Variants in CAP2 observed in about 807,000 individuals in gnomAD.
CAP2 encodes the protein adenylyl cyclase-associated protein 2.
CAP2 carries 24 observed loss-of-function variants against 57.7 expected under a neutral mutation model. The observed-to-expected ratio is 0.42, with a 90% confidence interval of 0.30 to 0.58. CAP2 has a LOEUF of 0.58. CAP2 is among the 20% of genes least tolerant of loss of function. The pLI is 0.22. For synonymous variants in CAP2, 194 were observed against 207.2 expected (o/e 0.94, Z 0.55); for missense variants, 501 against 590.3 (o/e 0.85, Z 1.57).
At chr6:17,537,243 G>A (rs1261102484) in intron 7 of CAP2, among the ~76,000 whole-genome samples, 1 of 151,968 alleles carries the variant, frequency 6.6e-6, no homozygotes, top group African/African-American at 2.4e-5. Flanking sequence ...CTGGGGTACA[G>A]TGGCGTGATC....
intron 4 of CAP2, among the ~76,000 whole-genome samples, chr6:17,481,306 T>G (rs1761281809): frequency 6.6e-6 from 1 of 152,186 alleles, no homozygotes; most frequent in African/African-American, 2.4e-5. Context: ...AAACTCTATC[T>G]CTTTCTGAAC....
intron 7 of CAP2, among the ~76,000 whole-genome samples, chr6:17,519,052 ATTG>A (rs1289208031): frequency 1.3e-5 from 2 of 152,108 alleles, no homozygotes; most frequent in Non-Finnish European, 2.9e-5. Flanking sequence ...ACTTTCAGTA[ATTG>A]TTGTTTTTTT....
intron 2 of CAP2, among the ~76,000 whole-genome samples, chr6:17,424,025 C>T (rs1199570327): frequency 6.6e-6 from 1 of 152,106 alleles, no homozygotes; most frequent in Non-Finnish European, 1.5e-5. Flanking sequence ...CGCCGAACAA[C>T]CTTTTACCTT....
At chr6:17,535,573 C>T (rs1762755016) in intron 7 of CAP2, among the ~76,000 whole-genome samples, 1 of 149,436 alleles carries the variant, frequency 6.7e-6, no homozygotes, top group Admixed American at 6.7e-5. Context: ...CGTGACTGGC[C>T]ATGACTTTTT....
intron 6 of CAP2, among the ~76,000 whole-genome samples, chr6:17,510,814 A>G (rs928585802): frequency 6.6e-6 from 1 of 152,218 alleles, no homozygotes; most frequent in Non-Finnish European, 1.5e-5. Context: ...CAGCTCAAGC[A>G]CTACCTAGGT....
chr6:17,554,853 C>G (rs1763257750), intron 12 of CAP2, among the ~76,000 whole-genome samples: 1 of 152,214 alleles, frequency 6.6e-6, no homozygotes, highest in South Asian at 2.1e-4. Context: ...TCTGAAATGA[C>G]TGGAGAATCA....
Position 17,507,181 on chromosome 6 carries a change from G to T in CAP2, c.313G>T (p.Ala105Ser). Residue 105 changes from alanine (A) to serine (S), a missense_variant, in exon 5 of 13, where the codon GCA becomes TCA. Transcript: ENST00000229922. ...TGACTGCTTACAGAATGACGTGGCCGCACTTCTGAAACCCATATCGGAAAA... is the reference window on the plus strand; with the variant it reads ...TGACTGCTTACAGAATGACGTGGCCTCACTTCTGAAACCCATATCGGAAAA... ...YQQPHENDVA[A>S]LLKPISEKIQ... 6.2e-7 allele frequency: 1 copy of T among 1,614,120 alleles called. No individual in the cohort carries two copies. Among genetic ancestry groups the T allele is most frequent in the Middle Eastern group, 1.6e-4 (1 of 6,062 alleles).
intron 1 of CAP2, among the ~76,000 whole-genome samples, chr6:17,417,302 G>T (rs1417664661): frequency 2.7e-5 from 4 of 148,694 alleles, no homozygotes; most frequent in African/African-American, 9.9e-5. Context: ...CTGAGACAGG[G>T]TCTCATTTTT....
At chr6:17,504,922 C>T (rs1052434107) in intron 4 of CAP2, among the ~76,000 whole-genome samples, 11 of 152,130 alleles carry the variant, frequency 7.2e-5, no homozygotes, top group African/African-American at 2.7e-4. Context: ...ATCCTAAAAT[C>T]CTGTTAATCT....
At chr6:17,498,734 T>C (rs576730091) in intron 4 of CAP2, among the ~76,000 whole-genome samples, 2 of 152,180 alleles carry the variant, frequency 1.3e-5, no homozygotes, top group South Asian at 4.1e-4. Context: ...ATTTTATTTA[T>C]TTATATTTTT....
chr6:17,477,005 G>A (rs1429051537), intron 4 of CAP2, among the ~76,000 whole-genome samples: 1 of 151,520 alleles, frequency 6.6e-6, no homozygotes, highest in Non-Finnish European at 1.5e-5. Context: ...CCGAGTAGCT[G>A]GGACTACAGG....
intron 1 of CAP2, among the ~76,000 whole-genome samples, chr6:17,410,047 G>A (rs537828925): frequency 1.1e-4 from 17 of 152,242 alleles, no homozygotes; most frequent in South Asian, 2.1e-4. Context: ...GCTTCCATGC[G>A]TTTGCATATG....
chr6:17,408,198 T>C (rs1037096911), intron 1 of CAP2, among the ~76,000 whole-genome samples: 1 of 152,192 alleles, frequency 6.6e-6, no homozygotes, highest in Non-Finnish European at 1.5e-5. Context: ...AAGAAACATC[T>C]GTTTCTGGTA....
At chr6:17,506,287 C>T (rs764726584) in intron 4 of CAP2, among the ~76,000 whole-genome samples, 5 of 152,080 alleles carry the variant, frequency 3.3e-5, no homozygotes, top group African/African-American at 7.2e-5. Flanking sequence ...TAGCCATAGG[C>T]GAAGTGGACT....
chr6:17,484,798 C>T (rs569758291), intron 4 of CAP2, among the ~76,000 whole-genome samples: 65 of 152,252 alleles, frequency 4.3e-4, no homozygotes, highest in African/African-American at 1.4e-3. Context: ...TGAGACCATT[C>T]GGCAGCTGCT....
chr6:17,501,333 A>G (rs757407075), intron 4 of CAP2, among the ~76,000 whole-genome samples: 20 of 152,208 alleles, frequency 1.3e-4, no homozygotes, highest in Non-Finnish European at 2.4e-4. Flanking sequence ...TACGGGAAAA[A>G]AAATGAACAC....
intron 3 of CAP2, among the ~76,000 whole-genome samples, chr6:17,462,606 A>G (rs1321837910): frequency 5.3e-5 from 8 of 152,090 alleles, no homozygotes; most frequent in African/African-American, 1.9e-4. Context: ...TTCTGTCTCT[A>G]TAGATTTGCT....
Position 17,557,170 on chromosome 6 carries a change from CA to C in CAP2, c.*729del, listed in dbSNP as rs1269363201. 1.0e-5 allele frequency: 1 copy of C among 96,926 alleles called. No individual in the cohort carries two copies. Among genetic ancestry groups the C allele is most frequent in the Non-Finnish European group, 2.1e-5 (1 of 47,568 alleles). 6.0% of individuals were successfully genotyped at this position (96,926 alleles called of 1,614,324 possible). On this transcript the variant is annotated 3_prime_UTR_variant, in exon 13 of 13. Coordinates refer to ENST00000229922, the MANE Select transcript of CAP2 (RefSeq NM_006366.3). ...GCCAAAAACATTAAACAGAAGAAATCATTTTTTTTGCTATGTAATACCTCGC... is the reference window on the plus strand; with the variant it reads ...GCCAAAAACATTAAACAGAAGAAATCTTTTTTTTGCTATGTAATACCTCGC...
chr6:17,404,604 CA>C (rs71536725), intron 1 of CAP2, among the ~76,000 whole-genome samples: 34,992 of 127,310 alleles, frequency 0.27, 4,244 homozygotes, highest in South Asian at 0.35. Flanking sequence ...GACTCCATCT[CA>C]AAAAAAAAAA....
Sources: allele counts gnomAD v4.1 joint callset (sites outside exome capture counted in the v4.1 genomes callset), GRCh38; gene constraint gnomAD v4.1.1; transcripts MANE v1.5; gene names NCBI Gene and HGNC (gene_info 2026-07-23, HGNC 2026-07-21).